The following EEFSEC variants were observed in gnomAD, a reference collection of about 807,000 sequenced individuals.
The protein encoded by EEFSEC is eukaryotic elongation factor, selenocysteine-tRNA specific.
In EEFSEC, 43 loss-of-function variants were observed where a neutral mutation model predicts 42.1. That is an observed-to-expected ratio of 1.02 (90% CI 0.80 to 1.32). The LOEUF (loss-of-function observed/expected upper bound fraction) is 1.32. Among genes scored for constraint, EEFSEC ranks in the 40% most tolerant of loss-of-function variants. The probability of loss-of-function intolerance (pLI) is 0.00; values close to 1 mark genes in which losing one functional copy is unlikely to be tolerated. For synonymous variants in EEFSEC, 354 were observed against 339.1 expected, an observed-to-expected ratio of 1.04 and a Z score of -0.48; for missense variants, 745 against 803.6, an observed-to-expected ratio of 0.93 and a Z score of 0.88.
intron 2 of EEFSEC, 46 bp from the exon 3 acceptor site, chr3:128,262,082 T>C: frequency 1.3e-6 from 2 of 1,582,752 alleles, no homozygotes; most frequent in East Asian, 2.2e-5. Flanking sequence ...TTTGTGTCCA[T>C]GTTGCTGATC....
intron 1 of EEFSEC, among the ~76,000 whole-genome samples, chr3:128,179,338 A>G (rs2065381775): frequency 6.6e-6 from 1 of 152,210 alleles, no homozygotes; most frequent in Non-Finnish European, 1.5e-5. Flanking sequence ...CATGGAACAC[A>G]GTTGCAAAAG....
At chr3:128,239,672 G>A (rs1262203081) in intron 1 of EEFSEC, among the ~76,000 whole-genome samples, 1 of 152,202 alleles carries the variant, frequency 6.6e-6, no homozygotes, top group Non-Finnish European at 1.5e-5. Context: ...CTCCTCTACA[G>A]GAACCTGAGT....
At chr3:128,291,569 A>G (rs1559905563) in intron 4 of EEFSEC, among the ~76,000 whole-genome samples, 1 of 152,206 alleles carries the variant, frequency 6.6e-6, no homozygotes, top group Non-Finnish European at 1.5e-5. Flanking sequence ...CTCATTATAA[A>G]TTACCCAGTC....
intron 6 of EEFSEC, chr3:128,367,916 G>A (rs550453347): frequency 4.3e-5 from 39 of 898,170 alleles, no homozygotes; most frequent in East Asian, 1.2e-4. Flanking sequence ...TGCCTCCTGC[G>A]ATCACTTGCC....
chr3:128,361,086 G>T (rs1040666321), intron 6 of EEFSEC, among the ~76,000 whole-genome samples: 4 of 152,146 alleles, frequency 2.6e-5, no homozygotes, highest in Non-Finnish European at 5.9e-5. Flanking sequence ...GAGAGGTAAG[G>T]CTCCCAGCCT....
chr3:128,161,914 A>G (rs1476526057), intron 1 of EEFSEC, among the ~76,000 whole-genome samples: 1 of 152,188 alleles, frequency 6.6e-6, no homozygotes, highest in Non-Finnish European at 1.5e-5. Flanking sequence ...GAAATAACAT[A>G]CTGGGGGCTT....
intron 1 of EEFSEC, among the ~76,000 whole-genome samples, chr3:128,207,560 A>G (rs917788722): frequency 2.5e-5 from 3 of 119,256 alleles, no homozygotes; most frequent in Non-Finnish European, 5.2e-5. Context: ...CCACAGACAC[A>G]TTGCATACAC....
chr3:128,255,223 G>A (rs984617720), intron 2 of EEFSEC, among the ~76,000 whole-genome samples: 16 of 152,112 alleles, frequency 1.1e-4, no homozygotes, highest in African/African-American at 3.6e-4. Context: ...TCTTTGGGGA[G>A]GCCTGCAGTG....
At chr3:128,300,779 C>T (rs1337732309) in intron 4 of EEFSEC, among the ~76,000 whole-genome samples, 1 of 152,116 alleles carries the variant, frequency 6.6e-6, no homozygotes, top group Non-Finnish European at 1.5e-5. Context: ...TCATACCTTT[C>T]AGTACCTTTT....
chr3:128,419,977 G>T, the EEFSEC span, among the ~76,000 whole-genome samples: 5,879 of 152,264 alleles, frequency 0.039, 377 homozygotes, highest in African/African-American at 0.13. Context: ...CCAAGACCCA[G>T]AGACAGTGAG....
chr3:128,344,483 C>A (rs1456368883), intron 5 of EEFSEC, among the ~76,000 whole-genome samples: 1 of 152,178 alleles, frequency 6.6e-6, no homozygotes, highest in African/African-American at 2.4e-5. Flanking sequence ...AGGTCCCCTC[C>A]CCAAAGGCAG....
intron 1 of EEFSEC, among the ~76,000 whole-genome samples, chr3:128,225,265 G>GC (rs1443866303): frequency 6.6e-6 from 1 of 152,166 alleles, no homozygotes; most frequent in Non-Finnish European, 1.5e-5. Flanking sequence ...AGGGCTGGAT[G>GC]CCACAGTGAG....
At chr3:128,256,887 G>A (rs1242524828) in intron 2 of EEFSEC, among the ~76,000 whole-genome samples, 2 of 152,072 alleles carry the variant, frequency 1.3e-5, no homozygotes, top group South Asian at 2.1e-4. Flanking sequence ...GGGACTACAG[G>A]CATGTGCTAC....
chr3:128,399,410 G>A (rs1329696650), intron 6 of EEFSEC, among the ~76,000 whole-genome samples: 2 of 152,258 alleles, frequency 1.3e-5, no homozygotes, highest in Non-Finnish European at 2.9e-5. Context: ...CTCGGAAAGA[G>A]CGAGGCTCCT....
Position 128,264,796 on chromosome 3 carries a change from G to A in EEFSEC, c.786+15G>A, listed in dbSNP as rs1321305826. The A allele has an allele frequency of 6.2e-7, 1 of 1,610,552 alleles. No homozygotes were observed. Among genetic ancestry groups the A allele is most frequent in the East Asian group, 2.2e-5 (1 of 44,802 alleles). On this transcript the variant is annotated intron_variant, in intron 4 of 6. Coordinates refer to ENST00000254730, the MANE Select transcript of EEFSEC (RefSeq NM_021937.5). ...CTGCCCTCAAGGTCAGTCTTACCTT[G>A]TCTTCCCTTCTGGCCTCCTCGCTGG...
At chr3:128,258,775 T>A (rs550105964) in intron 2 of EEFSEC, among the ~76,000 whole-genome samples, 2 of 152,338 alleles carry the variant, frequency 1.3e-5, no homozygotes, top group East Asian at 3.9e-4. Flanking sequence ...ATTTAATGTA[T>A]GTAATTAAGG....
At chr3:128,160,200 A>G (rs2065166696) in intron 1 of EEFSEC, among the ~76,000 whole-genome samples, 1 of 152,268 alleles carries the variant, frequency 6.6e-6, no homozygotes, top group African/African-American at 2.4e-5. Flanking sequence ...AGGAGCTTAC[A>G]TCAGAACCCG....
Position 128,153,569 on chromosome 3 carries a change from C to A in EEFSEC, c.62C>A (p.Thr21Lys). Reference sequence around the variant, plus strand: ...CTGGGCCACATCGACAGCGGCAAGACGGCGCTGGCGCGGGCGCTAAGCACC... The same window carrying A: ...CTGGGCCACATCGACAGCGGCAAGAAGGCGCTGGCGCGGGCGCTAAGCACC... ...GVLGHIDSGK[T>K]ALARALSTTA... Residue 21 changes from threonine to lysine, a missense_variant, in exon 1 of 7, where the codon ACG becomes AAG. Physicochemically the swap from Thr to Lys is moderately conservative, Grantham distance 78 (BLOSUM62 -1). Transcript: ENST00000254730. 1 of 1,541,102 alleles carries A rather than the reference C, an allele frequency of 6.5e-7. No individual in the cohort carries two copies. The highest frequency in any genetic ancestry group is 2.5e-5 in the East Asian group (1 of 39,610).
At chr3:128,177,261 A>G (rs1294943759) in intron 1 of EEFSEC, among the ~76,000 whole-genome samples, 6 of 152,126 alleles carry the variant, frequency 3.9e-5, no homozygotes, top group Admixed American at 3.9e-4. Flanking sequence ...AAAAGCCTTA[A>G]TAGCTTAATA....
Sources: gnomAD v4.1 joint callset for allele counts (sites outside exome capture counted in the v4.1 genomes callset) on GRCh38, gnomAD v4.1.1 for gene constraint, MANE v1.5 for transcripts, NCBI Gene and HGNC (gene_info 2026-07-23, HGNC 2026-07-21) for gene names.